Variants in CBLB observed in about 807,000 individuals in gnomAD.
CBLB encodes Cbl proto-oncogene B.
In CBLB, 31 loss-of-function variants were observed where a neutral mutation model predicts 104.9. The ratio of observed to expected loss-of-function variants is 0.30; its 90% confidence interval spans 0.22 to 0.40. CBLB has a LOEUF of 0.40. Ranked by LOEUF, CBLB falls within the 10% of genes least tolerant of loss-of-function variation. CBLB has a pLI of 1.00. For synonymous variants in CBLB, 440 were observed against 422.6 expected, an observed-to-expected ratio of 1.04 and a Z score of -0.51; for missense variants, 1,062 against 1,214.6, an observed-to-expected ratio of 0.87 and a Z score of 1.87.
At chr3:105,691,199 A>C (rs921148609) in intron 13 of CBLB, among the ~76,000 whole-genome samples, 1 of 152,238 alleles carries the variant, frequency 6.6e-6, no homozygotes, top group Non-Finnish European at 1.5e-5. Context: ...TAAACTGGAG[A>C]GATAACTGTG....
intron 3 of CBLB, among the ~76,000 whole-genome samples, chr3:105,841,417 A>C (rs1237713382): frequency 6.6e-6 from 1 of 152,054 alleles, no homozygotes; most frequent in African/African-American, 2.4e-5. Flanking sequence ...TATCAAATAC[A>C]TAATTTGTTA....
intron 3 of CBLB, among the ~76,000 whole-genome samples, chr3:105,841,154 T>G (rs141715553): frequency 5.3e-5 from 8 of 151,778 alleles, no homozygotes; most frequent in African/African-American, 1.9e-4. Context: ...CAATTAGCTC[T>G]GCATGGTGAC....
intron 2 of CBLB, among the ~76,000 whole-genome samples, chr3:105,857,077 T>C (rs1043621743): frequency 4.6e-5 from 7 of 152,208 alleles, no homozygotes; most frequent in Non-Finnish European, 8.8e-5. Context: ...TATTTTCTTC[T>C]AGTTTGGGGA....
intron 10 of CBLB, among the ~76,000 whole-genome samples, chr3:105,704,518 T>C (rs1053989469): frequency 2.0e-5 from 3 of 152,202 alleles, no homozygotes; most frequent in African/African-American, 7.2e-5. Flanking sequence ...ATAATGCACA[T>C]TGCTCTTGGA....
At chr3:105,707,646 T>C (rs755760026) in intron 10 of CBLB, among the ~76,000 whole-genome samples, 2 of 152,178 alleles carry the variant, frequency 1.3e-5, no homozygotes, top group South Asian at 2.1e-4. Flanking sequence ...GTAATGTTCA[T>C]ATAGAAGGTC....
rs150610344 is a variant in CBLB, at chr3:105,799,484, A to G, written c.420-22942T>C. 1.1e-3 allele frequency among the ~76,000 whole-genome samples: 167 copies of G among 152,276 alleles called. 4 individuals carry two copies. The East Asian group carries it at 0.028, about 25-fold the overall frequency. ...CCTTTCATATAAAGTTATTCTATGC[A>G]CAACTGGAAAACACCCGCATAACAA... On this transcript the variant is annotated intron_variant, in intron 3 of 18. Coordinates refer to ENST00000394030, the MANE Select transcript of CBLB (RefSeq NM_170662.5).
chr3:105,727,940 C>T (rs568159889), intron 9 of CBLB, among the ~76,000 whole-genome samples: 4 of 152,304 alleles, frequency 2.6e-5, no homozygotes, highest in African/African-American at 7.2e-5. Flanking sequence ...GTTTTGGTTA[C>T]TGTAGCCTTG....
chr3:105,733,181 C>A (rs1033818659), intron 9 of CBLB, among the ~76,000 whole-genome samples: 6 of 152,000 alleles, frequency 3.9e-5, no homozygotes, highest in African/African-American at 1.4e-4. Flanking sequence ...CATGGTGAAA[C>A]CCCGTCTCTA....
chr3:105,821,550 G>C (rs1267329098), intron 3 of CBLB, among the ~76,000 whole-genome samples: 1 of 152,074 alleles, frequency 6.6e-6, no homozygotes, highest in Admixed American at 6.6e-5. Flanking sequence ...TCTTTGCAGG[G>C]CAGGTAGAAA....
At chr3:105,820,631 C>T (rs1468457109) in intron 3 of CBLB, among the ~76,000 whole-genome samples, 1 of 152,094 alleles carries the variant, frequency 6.6e-6, no homozygotes, top group Non-Finnish European at 1.5e-5. Flanking sequence ...TTGTTTTAAA[C>T]CCCTCCCATA....
chr3:105,858,549 T>C (rs898421692), intron 2 of CBLB, among the ~76,000 whole-genome samples: 2 of 152,220 alleles, frequency 1.3e-5, no homozygotes, highest in Non-Finnish European at 1.5e-5. Context: ...AAATCTGTAG[T>C]CACATTATAA....
chr3:105,661,796 T>C (rs976808793), intron 18 of CBLB, among the ~76,000 whole-genome samples: 8 of 152,196 alleles, frequency 5.3e-5, no homozygotes, highest in Non-Finnish European at 7.3e-5. Flanking sequence ...ATCTACTTTA[T>C]ATATCTGTGT....
chr3:105,669,078 A>ATCCG (rs1478456690), intron 18 of CBLB, among the ~76,000 whole-genome samples: 1 of 151,710 alleles, frequency 6.6e-6, no homozygotes, highest in African/African-American at 2.4e-5. Flanking sequence ...CCATCCATCC[A>ATCCG]TCCATCCATC....
chr3:105,800,093 ATCTTGGACAAG>A (rs2082667344), intron 3 of CBLB, among the ~76,000 whole-genome samples: 7 of 152,178 alleles, frequency 4.6e-5, no homozygotes, highest in Admixed American at 3.9e-4. Context: ...GGTTCTGTGG[ATCTTGGACAAG>A]TCACCTAATC....
At chr3:105,850,290 G>A (rs1342346036) in intron 3 of CBLB, among the ~76,000 whole-genome samples, 3 of 151,814 alleles carry the variant, frequency 2.0e-5, no homozygotes, top group Admixed American at 6.6e-5. Context: ...ACTTGTTATG[G>A]GTATTTGGCC....
In CBLB at chr3:105,657,124, CA is replaced by C. The variant is rs2063400375; in HGVS notation, c.*1845del. 1 of 225,394 alleles carries C rather than the reference CA, an allele frequency of 4.4e-6. No individual in the cohort carries two copies. Among genetic ancestry groups the C allele is most frequent in the Non-Finnish European group, 8.8e-6 (1 of 113,262 alleles). The allele number at this position is 225,394 out of a possible 1,614,324, so 14.0% of individuals were successfully genotyped here. A position where few individuals can be genotyped will look rare whatever the true frequency, so the allele number is the denominator to read the frequency against. On this transcript the variant is annotated 3_prime_UTR_variant, in exon 19 of 19. Transcript: ENST00000394030. ...AGGCCTGTGAGTCCTCATCTCATAC[CA>C]TGAAAGCCAGACTGTCAAAAAAAGG... is the stretch of plus-strand genomic sequence containing the variant.
intron 3 of CBLB, among the ~76,000 whole-genome samples, chr3:105,779,981 G>A (rs1055567159): frequency 2.6e-4 from 39 of 151,702 alleles, no homozygotes; most frequent in African/African-American, 8.0e-4. Context: ...AGCCTCCCAA[G>A]TAGCTGGGAT....
At chr3:105,776,640 T>C (rs2079509527) in intron 3 of CBLB, 98 bp from the exon 4 acceptor site, 3 of 1,125,022 alleles carry the variant, frequency 2.7e-6, no homozygotes, top group African/African-American at 1.6e-5. Context: ...ATGTTATGTA[T>C]GTATCAACGT....
At chr3:105,728,879 A>G (rs989410214) in intron 9 of CBLB, among the ~76,000 whole-genome samples, 3 of 152,174 alleles carry the variant, frequency 2.0e-5, no homozygotes, top group Non-Finnish European at 2.9e-5. Context: ...CTTGCAGCCT[A>G]TAACTACTGA....
Sources: allele counts gnomAD v4.1 joint callset (sites outside exome capture counted in the v4.1 genomes callset), GRCh38; gene constraint gnomAD v4.1.1; transcripts MANE v1.5; gene names NCBI Gene and HGNC (gene_info 2026-07-23, HGNC 2026-07-21).